The following LOC400499 variants were observed in gnomAD, a reference collection of about 807,000 sequenced individuals.
chr16:11,415,137 C>G, the LOC400499 span, among the ~76,000 whole-genome samples: 1 of 152,216 alleles, frequency 6.6e-6, no homozygotes, highest in Non-Finnish European at 1.5e-5. Flanking sequence ...TGACATCCAC[C>G]TGCAGCCACC....
the LOC400499 span, among the ~76,000 whole-genome samples, chr16:11,504,693 C>T: frequency 1.5e-4 from 23 of 152,082 alleles, no homozygotes; most frequent in Non-Finnish European, 3.1e-4. Context: ...GAGGTCGAGG[C>T]AGGCAGATCA....
At chr16:11,410,578 T>C in the LOC400499 span, among the ~76,000 whole-genome samples, 9 of 152,348 alleles carry the variant, frequency 5.9e-5, no homozygotes, top group Admixed American at 5.2e-4. Flanking sequence ...ACATAGCGCA[T>C]GCTCTGTAGA....
At chr16:11,454,530 T>C in the LOC400499 span, among the ~76,000 whole-genome samples, 3 of 151,790 alleles carry the variant, frequency 2.0e-5, no homozygotes, top group Non-Finnish European at 2.9e-5. Flanking sequence ...GAGGCAGAGA[T>C]TAGAGAGGAT....
the LOC400499 span, chr16:11,398,519 G>T: frequency 1.6e-6 from 2 of 1,231,218 alleles, no homozygotes; most frequent in Non-Finnish European, 2.0e-6. Flanking sequence ...TCTGGAATGA[G>T]AGGGCCTATG....
chr16:11,452,873 C>A, the LOC400499 span, among the ~76,000 whole-genome samples: 1 of 152,202 alleles, frequency 6.6e-6, no homozygotes, highest in African/African-American at 2.4e-5. Context: ...GATTTCTAAT[C>A]TTTTAGGAAG....
the LOC400499 span, among the ~76,000 whole-genome samples, chr16:11,511,183 T>A: frequency 6.6e-6 from 1 of 151,908 alleles, no homozygotes; most frequent in Non-Finnish European, 1.5e-5. Context: ...TTTTTCACAG[T>A]GATGGGGTTT....
chr16:11,388,721 C>T, the LOC400499 span, among the ~76,000 whole-genome samples: 2 of 152,176 alleles, frequency 1.3e-5, no homozygotes, highest in African/African-American at 4.8e-5. Context: ...CCCCACCTAC[C>T]CGCCTCCCCA....
chr16:11,392,105 G>A, the LOC400499 span: 2 of 399,226 alleles, frequency 5.0e-6, no homozygotes, highest in Non-Finnish European at 8.8e-6. Flanking sequence ...ATCCTGGACT[G>A]TGAGGACAGA....
chr16:11,395,846 G>A, the LOC400499 span, among the ~76,000 whole-genome samples: 1 of 152,056 alleles, frequency 6.6e-6, no homozygotes, highest in Non-Finnish European at 1.5e-5. Context: ...AGCGGGAACC[G>A]GTATCCAGAC....
At chr16:11,398,840 T>C in the LOC400499 span, among the ~76,000 whole-genome samples, 2 of 152,004 alleles carry the variant, frequency 1.3e-5, no homozygotes, top group East Asian at 1.9e-4. Flanking sequence ...TTTAATTCTT[T>C]AGTAGAGATG....
chr16:11,416,511 G>A, the LOC400499 span, among the ~76,000 whole-genome samples: 7,105 of 152,152 alleles, frequency 0.047, 565 homozygotes, highest in African/African-American at 0.16. Flanking sequence ...GCACCCATTC[G>A]ATACCTACTA....
chr16:11,489,456 C>T, the LOC400499 span, among the ~76,000 whole-genome samples: 16 of 152,022 alleles, frequency 1.1e-4, no homozygotes, highest in African/African-American at 3.6e-4. Flanking sequence ...CATGAAGGTC[C>T]CTGGAGGGAT....
the LOC400499 span, chr16:11,389,985 A>G: frequency 1.8e-6 from 1 of 551,084 alleles, no homozygotes; most frequent in Non-Finnish European, 2.7e-6. Flanking sequence ...ACGAGGAGAG[A>G]AGAAGCCCCT....
the LOC400499 span, among the ~76,000 whole-genome samples, chr16:11,377,567 CAT>C: frequency 6.6e-6 from 1 of 152,284 alleles, no homozygotes; most frequent in East Asian, 1.9e-4. Context: ...CTGAAATAGT[CAT>C]GTGTTTTCTT....
the LOC400499 span, among the ~76,000 whole-genome samples, chr16:11,385,602 A>G: frequency 2.6e-5 from 4 of 152,240 alleles, no homozygotes; most frequent in African/African-American, 9.6e-5. Context: ...TCAAGATGAC[A>G]TGAGCTGAAG....
the LOC400499 span, among the ~76,000 whole-genome samples, chr16:11,424,663 G>C: frequency 6.6e-6 from 1 of 152,198 alleles, no homozygotes; most frequent in Non-Finnish European, 1.5e-5. Context: ...AAATCTCAGA[G>C]GGAAACAGGG....
chr16:11,408,348 T>C, the LOC400499 span, among the ~76,000 whole-genome samples: 3 of 152,160 alleles, frequency 2.0e-5, no homozygotes, highest in South Asian at 2.1e-4. Flanking sequence ...TTGTCAAAAA[T>C]GTTCAGCCTG....
the LOC400499 span, among the ~76,000 whole-genome samples, chr16:11,425,593 T>C: frequency 2.0e-5 from 3 of 152,080 alleles, no homozygotes; most frequent in East Asian, 1.9e-4. Flanking sequence ...TCCATCAGAG[T>C]ACACCAGCTC....
chr16:11,448,069 C>T, the LOC400499 span: 45 of 1,534,168 alleles, frequency 2.9e-5, no homozygotes, highest in East Asian at 4.9e-4. Context: ...CTGGGTCTTC[C>T]GGGGCTGCAA....
Sources: gnomAD v4.1 joint callset for allele counts (sites outside exome capture counted in the v4.1 genomes callset) on GRCh38, gnomAD v4.1.1 for gene constraint, MANE v1.5 for transcripts.